CTNND2: variants seen among roughly 807,000 people sequenced by gnomAD.
CTNND2 encodes catenin delta 2, also known as catenin delta-2.
Under a neutral mutation model 144.4 loss-of-function variants are expected in CTNND2, and 22 were observed. The ratio of observed to expected loss-of-function variants is 0.15; its 90% CI spans 0.11 to 0.22. The LOEUF (loss-of-function observed/expected upper bound fraction) is 0.22. Ranked by LOEUF, CTNND2 falls within the 10% of genes least tolerant of loss-of-function variation. The probability of loss-of-function intolerance (pLI) is 1.00; values close to 1 mark genes in which losing one functional copy is unlikely to be tolerated. For missense variants in CTNND2, 1,353 were observed against 1,618.8 expected (o/e 0.84, Z 2.82); for synonymous variants, 751 against 695.6 (o/e 1.08, Z -1.25).
intron 3 of CTNND2, among the ~76,000 whole-genome samples, chr5:11,475,796 T>C (rs527969573): frequency 1.9e-4 from 29 of 152,204 alleles, no homozygotes; most frequent in African/African-American, 6.8e-4. Flanking sequence ...TTCATGTTGG[T>C]AAACCTGGAT....
At chr5:11,555,024 A>G (rs1275936201) in intron 3 of CTNND2, among the ~76,000 whole-genome samples, 1 of 152,152 alleles carries the variant, frequency 6.6e-6, no homozygotes, top group Non-Finnish European at 1.5e-5. Flanking sequence ...GAAATACTTA[A>G]GATTAATAAG....
At chr5:11,297,832 C>T (rs1219667830) in intron 9 of CTNND2, among the ~76,000 whole-genome samples, 2 of 152,078 alleles carry the variant, frequency 1.3e-5, no homozygotes, top group Admixed American at 6.6e-5. Flanking sequence ...AAAATCTATT[C>T]CACCCACCAT....
chr5:11,414,862 G>A (rs1452649738), intron 3 of CTNND2, among the ~76,000 whole-genome samples: 1 of 152,134 alleles, frequency 6.6e-6, no homozygotes, highest in Admixed American at 6.5e-5. Context: ...TTGGTTTTCT[G>A]TCTCTGCAGT....
At chr5:11,169,698 C>A (rs1004302717) in intron 11 of CTNND2, among the ~76,000 whole-genome samples, 2 of 152,110 alleles carry the variant, frequency 1.3e-5, no homozygotes, top group African/African-American at 4.8e-5. Flanking sequence ...ATAGGTAGCA[C>A]ATCTACCTCA....
At chr5:11,341,420 C>T (rs900393979) in intron 9 of CTNND2, among the ~76,000 whole-genome samples, 1 of 152,206 alleles carries the variant, frequency 6.6e-6, no homozygotes, top group Non-Finnish European at 1.5e-5. Flanking sequence ...TTGCTATTAG[C>T]TCAACTGATA....
intron 7 of CTNND2, among the ~76,000 whole-genome samples, chr5:11,370,712 T>C (rs1259058712): frequency 6.6e-6 from 1 of 152,228 alleles, no homozygotes; most frequent in African/African-American, 2.4e-5. Flanking sequence ...TCAATATAGT[T>C]TATAAGGACA....
chr5:11,315,620 A>C (rs1751396754), intron 9 of CTNND2, among the ~76,000 whole-genome samples: 1 of 152,210 alleles, frequency 6.6e-6, no homozygotes, highest in African/African-American at 2.4e-5. Context: ...TGGGTAATGA[A>C]AATATACAAC....
intron 11 of CTNND2, among the ~76,000 whole-genome samples, chr5:11,181,189 C>T (rs1675641874): frequency 6.6e-6 from 1 of 152,100 alleles, no homozygotes; most frequent in South Asian, 2.1e-4. Flanking sequence ...TCGCCCTTAG[C>T]CCAGCAACAG....
intron 1 of CTNND2, among the ~76,000 whole-genome samples, chr5:11,881,914 G>T (rs921380100): frequency 1.3e-5 from 2 of 151,402 alleles, no homozygotes; most frequent in Non-Finnish European, 3.0e-5. Flanking sequence ...TTTTCTTTTT[G>T]ATTATATCCA....
chr5:11,253,971 T>C (rs1356837686), intron 9 of CTNND2, among the ~76,000 whole-genome samples: 2 of 152,340 alleles, frequency 1.3e-5, no homozygotes, highest in East Asian at 3.9e-4. Flanking sequence ...GTGTAATCTA[T>C]TGCCTTGACC....
chr5:11,000,300 A>G (rs1739809923), intron 18 of CTNND2, among the ~76,000 whole-genome samples: 1 of 152,228 alleles, frequency 6.6e-6, no homozygotes, highest in Non-Finnish European at 1.5e-5. Context: ...AGGCGGGCAG[A>G]TCATGAGGTC....
At chr5:11,606,354 C>T (rs1581598154) in intron 2 of CTNND2, among the ~76,000 whole-genome samples, 1 of 152,264 alleles carries the variant, frequency 6.6e-6, no homozygotes, top group East Asian at 1.9e-4. Flanking sequence ...TTGTCTTAAG[C>T]CACTAAGTTT....
chr5:11,032,530 T>A (rs1439124813), intron 16 of CTNND2, among the ~76,000 whole-genome samples: 1 of 152,226 alleles, frequency 6.6e-6, no homozygotes, highest in Non-Finnish European at 1.5e-5. Context: ...AAAATGGTAT[T>A]GCTTAGTTAC....
At chr5:11,012,275 T>G (rs1019334413) in intron 18 of CTNND2, among the ~76,000 whole-genome samples, 2 of 152,048 alleles carry the variant, frequency 1.3e-5, no homozygotes, top group African/African-American at 4.8e-5. Flanking sequence ...ACAGACTTCA[T>G]GAAAGGCCAT....
chr5:11,433,141 G>A (rs1361056565), intron 3 of CTNND2, among the ~76,000 whole-genome samples: 1 of 152,200 alleles, frequency 6.6e-6, no homozygotes. Context: ...AGCTACTTGG[G>A]AGGCTGAGGC....
chr5:11,033,099 A>G (rs1743660521), intron 16 of CTNND2, among the ~76,000 whole-genome samples: 1 of 152,228 alleles, frequency 6.6e-6, no homozygotes, highest in Non-Finnish European at 1.5e-5. Flanking sequence ...TTTCCTGTGA[A>G]TCCATAATTT....
intron 15 of CTNND2, among the ~76,000 whole-genome samples, chr5:11,087,694 TCAATTTAATAAG>T (rs11270225): frequency 0.3 from 40,324 of 135,660 alleles, 5,493 homozygotes; most frequent in African/African-American, 0.33. Flanking sequence ...AAGAAATAAA[TCAATTTAATAAG>T]CACAAATTTT....
chr5:11,101,376 T>C (rs1751861573), intron 14 of CTNND2, among the ~76,000 whole-genome samples: 1 of 152,212 alleles, frequency 6.6e-6, no homozygotes, highest in Non-Finnish European at 1.5e-5. Context: ...AGTAGGGCAA[T>C]GGTGAAGTTA....
intron 13 of CTNND2, among the ~76,000 whole-genome samples, chr5:11,116,644 T>C (rs550182837): frequency 1.6e-4 from 25 of 152,372 alleles, no homozygotes; most frequent in Admixed American, 1.3e-3. Context: ...TGATTTATTT[T>C]GTTGGGAAGC....
Sources: allele counts gnomAD v4.1 joint callset (sites outside exome capture counted in the v4.1 genomes callset), GRCh38; gene constraint gnomAD v4.1.1; transcripts MANE v1.5; gene names NCBI Gene and HGNC (gene_info 2026-07-23, HGNC 2026-07-21).